Variants in PCP4 observed in about 807,000 individuals in gnomAD.
The protein encoded by PCP4 is calmodulin regulator protein PCP4.
In PCP4, 8 loss-of-function variants were observed where a neutral mutation model predicts 10.0. That is an observed-to-expected ratio of 0.80 (90% CI 0.47 to 1.45). PCP4 has a LOEUF of 1.45. Among genes scored for constraint, PCP4 ranks in the 40% most tolerant of loss-of-function variants. The probability of loss-of-function intolerance (pLI) is 0.00; values close to 1 mark genes in which losing one functional copy is unlikely to be tolerated. For missense variants in PCP4, 54 were observed against 74.4 expected (o/e 0.73, Z 1.01); for synonymous variants, 21 against 23.0 (o/e 0.91, Z 0.24).
At chr21:39,918,183 T>G (rs779518626) in intron 2 of PCP4, among the ~76,000 whole-genome samples, 3 of 152,228 alleles carry the variant, frequency 2.0e-5, no homozygotes, top group Non-Finnish European at 2.9e-5. Context: ...AACAGAAAAA[T>G]TAGTATTTCT....
intron 1 of PCP4, among the ~76,000 whole-genome samples, chr21:39,877,422 C>T (rs2087351355): frequency 6.6e-6 from 1 of 151,858 alleles, no homozygotes; most frequent in Non-Finnish European, 1.5e-5. Context: ...CATGGTGGCT[C>T]ACTCCTGTAA....
chr21:39,888,026 T>C (rs1379715205), intron 1 of PCP4, among the ~76,000 whole-genome samples: 4 of 152,212 alleles, frequency 2.6e-5, no homozygotes, highest in Non-Finnish European at 1.5e-5. Context: ...ATGATCCATC[T>C]AGGGAACTGC....
At chr21:39,896,578 G>A (rs2087457893) in intron 1 of PCP4, among the ~76,000 whole-genome samples, 1 of 152,202 alleles carries the variant, frequency 6.6e-6, no homozygotes, top group Admixed American at 6.5e-5. Flanking sequence ...TCAGATGGAA[G>A]GTGAATGGTA....
chr21:39,880,184 A>G (rs999102593), intron 1 of PCP4, among the ~76,000 whole-genome samples: 1 of 141,786 alleles, frequency 7.1e-6, no homozygotes, highest in Non-Finnish European at 1.5e-5. Context: ...ATCTATATCT[A>G]TATCTATCTA....
At chr21:39,913,087 T>C (rs1568860099) in intron 2 of PCP4, among the ~76,000 whole-genome samples, 1 of 152,170 alleles carries the variant, frequency 6.6e-6, no homozygotes. Flanking sequence ...CCACATAACT[T>C]TACTTCTGGG....
At chr21:39,926,263 T>C (rs1241723282) in intron 2 of PCP4, 6 of 290,812 alleles carry the variant, frequency 2.1e-5, no homozygotes, top group African/African-American at 8.8e-5. Flanking sequence ...TTGGCTGAGA[T>C]ATCAGTTTAA....
chr21:39,900,191 C>T (rs113413775), intron 2 of PCP4, among the ~76,000 whole-genome samples: 5,616 of 152,100 alleles, frequency 0.037, 354 homozygotes, highest in African/African-American at 0.13. Context: ...CCCACCACCA[C>T]GCCTGGCTAA....
intron 2 of PCP4, among the ~76,000 whole-genome samples, chr21:39,912,964 C>G (rs977229029): frequency 6.6e-6 from 1 of 152,110 alleles, no homozygotes; most frequent in African/African-American, 2.4e-5. Flanking sequence ...CCTAGGCCTC[C>G]CAAAGTGAGG....
intron 2 of PCP4, among the ~76,000 whole-genome samples, chr21:39,903,079 A>G (rs914684549): frequency 1.3e-5 from 2 of 152,198 alleles, no homozygotes; most frequent in African/African-American, 4.8e-5. Context: ...GGTTGTCCGG[A>G]GAGACTCCAA....
chr21:39,898,559 T>A, intron 2 of PCP4, 32 bp downstream of exon 2: 1 of 1,563,856 alleles, frequency 6.4e-7, no homozygotes, highest in South Asian at 1.1e-5. Context: ...AAGTTCTTTC[T>A]CTTTTGCCAT....
At chr21:39,907,782 G>A (rs1311091466) in intron 2 of PCP4, among the ~76,000 whole-genome samples, 2 of 150,034 alleles carry the variant, frequency 1.3e-5, no homozygotes, top group Non-Finnish European at 3.0e-5. Context: ...GGGCAACAGA[G>A]TGAGACTCTG....
chr21:39,925,366 A>G (rs941524880), intron 2 of PCP4, among the ~76,000 whole-genome samples: 2 of 152,196 alleles, frequency 1.3e-5, no homozygotes, highest in Non-Finnish European at 2.9e-5. Context: ...AGATAAAGGC[A>G]TGCCTTTGAC....
At chr21:39,876,778 T>C (rs896666421) in intron 1 of PCP4, among the ~76,000 whole-genome samples, 1 of 152,212 alleles carries the variant, frequency 6.6e-6, no homozygotes, top group Non-Finnish European at 1.5e-5. Flanking sequence ...TGAAGCACCT[T>C]ACAACCCCAG....
intron 1 of PCP4, among the ~76,000 whole-genome samples, chr21:39,869,641 G>A (rs1231200054): frequency 6.6e-6 from 1 of 152,130 alleles, no homozygotes; most frequent in African/African-American, 2.4e-5. Context: ...TGATCTCCAA[G>A]TTCCTGGGCA....
intron 1 of PCP4, among the ~76,000 whole-genome samples, chr21:39,873,088 G>T (rs1264655449): frequency 6.6e-6 from 1 of 152,168 alleles, no homozygotes; most frequent in African/African-American, 2.4e-5. Context: ...TCTCCATTGA[G>T]ACTAGCTCAC....
intron 2 of PCP4, among the ~76,000 whole-genome samples, chr21:39,917,762 T>C (rs377243775): frequency 4.6e-5 from 7 of 152,284 alleles, no homozygotes; most frequent in African/African-American, 1.7e-4. Context: ...TGGCTAGTGG[T>C]TCTGGGTTGA....
At chr21:39,914,627 T>A (rs1461285756) in intron 2 of PCP4, among the ~76,000 whole-genome samples, 1 of 149,438 alleles carries the variant, frequency 6.7e-6, no homozygotes, top group African/African-American at 2.5e-5. Context: ...TGTAGAATTA[T>A]GGGGCAAGGA....
At chr21:39,922,707 C>A (rs1299867051) in intron 2 of PCP4, among the ~76,000 whole-genome samples, 1 of 152,198 alleles carries the variant, frequency 6.6e-6, no homozygotes, top group Non-Finnish European at 1.5e-5. Flanking sequence ...CATTTTGCAA[C>A]TACACTGTTT....
chr21:39,924,112 G>A (rs769435413), intron 2 of PCP4, among the ~76,000 whole-genome samples: 1 of 152,130 alleles, frequency 6.6e-6, no homozygotes, highest in Non-Finnish European at 1.5e-5. Context: ...ATGAGGGCCC[G>A]AGTGATCCAT....
Sources: allele counts gnomAD v4.1 joint callset (sites outside exome capture counted in the v4.1 genomes callset), GRCh38; gene constraint gnomAD v4.1.1; transcripts MANE v1.5; gene names NCBI Gene and HGNC (gene_info 2026-07-23, HGNC 2026-07-21).